The following HELB variants were observed in gnomAD, a reference collection of about 807,000 sequenced individuals.
The protein encoded by HELB is DNA 5'-3' helicase B.
HELB carries 96 observed loss-of-function variants against 101.7 expected under a neutral mutation model. The observed-to-expected ratio is 0.94, with a 90% CI of 0.80 to 1.12. The LOEUF is 1.12. Ranked by LOEUF, HELB falls within the 50% of genes most tolerant of loss-of-function variation. HELB has a pLI of 0.00. For missense variants in HELB, 1,210 were observed against 1,291.9 expected (o/e 0.94, Z 0.97); for synonymous variants, 437 against 459.7 (o/e 0.95, Z 0.63).
Position 66,331,212 on chromosome 12 carries a change from A to C in HELB, c.2729A>C (p.Gln910Pro). The C allele has an allele frequency of 6.2e-7, 1 of 1,613,534 alleles. No homozygotes were observed. Among genetic ancestry groups the C allele is most frequent in the Non-Finnish European group, 8.5e-7 (1 of 1,179,414 alleles). Residue 910 changes from glutamine (Q) to proline (P), a missense_variant, in exon 12 of 13, where the codon CAG (glutamine) becomes CCG (proline). Physicochemically the swap from Gln to Pro is moderately conservative, Grantham distance 76 (BLOSUM62 -1). Coordinates refer to ENST00000247815, the MANE Select transcript of HELB (RefSeq NM_001370285.1). ...GGGAAGGCGGGCCGCCAGCACTGGCAGCATGTCTACACCGCCGTGACCAGG... is the reference window on the plus strand; with the variant it reads ...GGGAAGGCGGGCCGCCAGCACTGGCCGCATGTCTACACCGCCGTGACCAGG... ...VVGKAGRQHWQHVYTAVTRGR... is the reference protein window; with the variant it reads ...VVGKAGRQHWPHVYTAVTRGR...
chr12:66,309,793 G>A lies in HELB; in HGVS notation c.865G>A (p.Asp289Asn). 2 of 1,613,962 alleles carry A rather than the reference G, an allele frequency of 1.2e-6. No individual in the cohort carries two copies. The highest frequency in any genetic ancestry group is 1.7e-6 in the Non-Finnish European group (2 of 1,179,808). ...QCESLLQLMT[D>N]LEKNALIMYS... ...TGAGTCTCTTCTCCAGCTGATGACTGATTTGGAGAAGAATGCATTAATAAT... is the reference window on the plus strand; with the variant it reads ...TGAGTCTCTTCTCCAGCTGATGACTAATTTGGAGAAGAATGCATTAATAAT... The change falls in exon 4 of 13, where the codon GAT becomes AAT. Residue 289 changes from aspartate to asparagine, a missense_variant. This residue lies in a region of HELB where 470 missense variants were observed against 563.1 expected (regional missense o/e 0.83). Transcript: ENST00000247815.
intron 12 of HELB, among the ~76,000 whole-genome samples, chr12:66,335,128 C>T (rs865911275): frequency 2.6e-5 from 4 of 152,044 alleles, no homozygotes; most frequent in South Asian, 2.1e-4. Context: ...TCTCTTGTGG[C>T]GTGCTGTTGT....
chr12:66,311,717 T>C (rs1006785241), intron 4 of HELB, among the ~76,000 whole-genome samples: 7 of 152,152 alleles, frequency 4.6e-5, no homozygotes, highest in Non-Finnish European at 1.0e-4. Context: ...AGTTACATAA[T>C]AAAAATTTCA....
intron 12 of HELB, among the ~76,000 whole-genome samples, chr12:66,334,778 CAAAA>C (rs1270558369): frequency 4.1e-5 from 5 of 121,726 alleles, no homozygotes; most frequent in Non-Finnish European, 7.1e-5. Flanking sequence ...GACCCTGTCT[CAAAA>C]ATAAATAAAT....
chr12:66,318,646 G>A lies in HELB; in HGVS notation c.2009G>A (p.Arg670Lys). 4 of 1,592,796 alleles carry A rather than the reference G, an allele frequency of 2.5e-6. No individual in the cohort carries two copies. Among genetic ancestry groups the A allele is most frequent in the Non-Finnish European group, 3.4e-6 (4 of 1,174,942 alleles). The change falls in exon 7 of 13, where the codon AGA (arginine) becomes AAA (lysine). Residue 670 changes from arginine (R) to lysine (K), a missense_variant. Around this residue, in one of 2 missense-constraint regions of HELB, gnomAD observed 740 missense variants for 728.8 expected, o/e 1.02. Coordinates refer to ENST00000247815, the MANE Select transcript of HELB (RefSeq NM_001370285.1). ...LIVDNATRIS[R>K]RQFPKFDAEL... Reference sequence around the variant, plus strand: ...TGTTATCTTTATTCAAGAATCTCAAGACGCCAATTTCCAAAATTTGATGCA... The same window carrying A: ...TGTTATCTTTATTCAAGAATCTCAAAACGCCAATTTCCAAAATTTGATGCA...
downstream of HELB, chr12:66,341,666 AATCTC>A (rs1405738154): frequency 3.3e-5 from 5 of 152,094 alleles, no homozygotes; most frequent in African/African-American, 1.2e-4. Flanking sequence ...TCCCCACCCA[AATCTC>A]ATCTCACATT....
chr12:66,331,448 G>T lies in HELB; in HGVS notation c.2965G>T (p.Val989Phe). 1 of 1,614,200 alleles carries T rather than the reference G, an allele frequency of 6.2e-7. No individual in the cohort carries two copies. The highest frequency in any genetic ancestry group is 1.1e-5 in the South Asian group (1 of 91,088). ...STPSASPLPV[V>F]TDHAMTNDVT... is the part of the protein sequence containing the mutation. ...ACCGTCAGCATCTCCACTCCCTGTA[G>T]TCACAGACCACGCCATGACAAATGA... The change falls in exon 12 of 13, where the codon GTC becomes TTC. Residue 989 changes from valine to phenylalanine, a missense_variant. By Grantham distance (50) the Val-to-Phe change is conservative. Around this residue, in one of 2 missense-constraint regions of HELB, gnomAD observed 740 missense variants for 728.8 expected, o/e 1.02. Transcript: ENST00000247815.
chr12:66,302,684 C>A lies in HELB; in HGVS notation c.81C>A (p.Asp27Glu), dbSNP rs201715919. The change falls in exon 1 of 13, where the codon GAC becomes GAA. Residue 27 changes from aspartate (D) to glutamate (E), a missense_variant. Asp to Glu is a conservative substitution (Grantham distance 45). Transcript: ENST00000247815. ...PPRDLVEEDD[D>E]YLNDDVEEDE... Reference sequence around the variant, plus strand: ...GGGATCTGGTGGAGGAGGACGACGACTACCTAAACGACGACGTGGAGGAGG... The same window carrying A: ...GGGATCTGGTGGAGGAGGACGACGAATACCTAAACGACGACGTGGAGGAGG... 17 of 1,614,130 alleles carry A rather than the reference C, an allele frequency of 1.1e-5. No individual in the cohort carries two copies. The East Asian group carries it at 3.8e-4, about 36-fold the overall frequency.
chr12:66,331,400 G>A lies in HELB; in HGVS notation c.2917G>A (p.Gly973Arg). 2 of 1,614,206 alleles carry A rather than the reference G, an allele frequency of 1.2e-6. No individual in the cohort carries two copies. Among genetic ancestry groups the A allele is most frequent in the Non-Finnish European group, 1.7e-6 (2 of 1,180,034 alleles). The part of the protein sequence containing the change: ...ADFPSPRKSS[G>R]DSGGPSTPSA... ...TTTTCCGTCCCCACGGAAGAGCTCT[G>A]GAGACAGTGGAGGACCCAGCACACC... is the stretch of plus-strand genomic sequence containing the variant. The change falls in exon 12 of 13, where the codon GGA (glycine) becomes AGA (arginine). Residue 973 changes from glycine (G) to arginine (R), a missense_variant. Transcript: ENST00000247815.
chr12:66,323,917 A>C (rs1387190595), intron 9 of HELB, 66 bp from the exon 10 acceptor site: 2 of 1,006,006 alleles, frequency 2.0e-6, no homozygotes, highest in Non-Finnish European at 1.6e-6. Context: ...AGTAGTAGTT[A>C]ATGTTTGAAC....
At position 66,318,797 on chromosome 12, in the gene HELB, GT is replaced by G. The variant is rs1371852076; in HGVS notation, c.2155+6del. 12 of 1,592,072 alleles carry G rather than the reference GT, an allele frequency of 7.5e-6. No homozygotes were observed. The highest frequency in any genetic ancestry group is 2.7e-5 in the African/African-American group (2 of 73,714). On this transcript the variant is annotated splice_donor_region_variant and intron_variant, in intron 7 of 12. Coordinates refer to ENST00000247815, the MANE Select transcript of HELB (RefSeq NM_001370285.1). Reference sequence around the variant, plus strand: ...CTAAAACTAATCATCACTCTTGTAAGTATAAACTTCTATGAGATGTAGAGTT... The same window carrying G: ...CTAAAACTAATCATCACTCTTGTAAGATAAACTTCTATGAGATGTAGAGTT...
chr12:66,332,696 T>G (rs186271599), intron 12 of HELB, among the ~76,000 whole-genome samples: 99 of 152,322 alleles, frequency 6.5e-4, no homozygotes, highest in African/African-American at 2.0e-3. Context: ...ACCTTTTTTA[T>G]AGGTATGTAT....
intron 12 of HELB, among the ~76,000 whole-genome samples, chr12:66,335,419 TG>T (rs1447312533): frequency 6.6e-6 from 1 of 151,278 alleles, no homozygotes; most frequent in African/African-American, 2.4e-5. Context: ...ACCAGGGCTG[TG>T]GGGAGGGAAT....
chr12:66,305,529 C>T (rs910598479), intron 2 of HELB, among the ~76,000 whole-genome samples: 5 of 152,168 alleles, frequency 3.3e-5, no homozygotes, highest in South Asian at 4.2e-4. Context: ...ATCACTTGAG[C>T]GCAGGAGATC....
rs367781513 is a variant in HELB, at chr12:66,318,719, T to C, written c.2082T>C (p.Asp694=). The C allele has an allele frequency of 3.7e-5, 60 of 1,610,544 alleles. No individual in the cohort carries two copies. The highest frequency in any genetic ancestry group is 5.1e-5 in the Non-Finnish European group (60 of 1,178,904). The change falls in exon 7 of 13, where the codon GAT becomes GAC. Residue 694 remains aspartate (D), a synonymous_variant. Coordinates refer to ENST00000247815, the MANE Select transcript of HELB (RefSeq NM_001370285.1). ...CAACATTACCCATCTCAATTCAAGA[T>C]AAGACATTTATTTTTGTCAGGCTCC... The part of the protein sequence containing the change: ...DNPTLPISIQ[D]KTFIFVRLPE...
chr12:66,322,185 C>T (rs938999218), intron 8 of HELB, among the ~76,000 whole-genome samples, 156 bp downstream of exon 8: 8 of 152,042 alleles, frequency 5.3e-5, no homozygotes, highest in African/African-American at 1.4e-4. Context: ...TGGCAGAGGG[C>T]GCTTTCTAAA....
At chr12:66,313,894 T>A in intron 4 of HELB, 92 bp from the exon 5 acceptor site, 3 of 1,120,500 alleles carry the variant, frequency 2.7e-6, no homozygotes, top group Non-Finnish European at 2.7e-6. Flanking sequence ...CCCCTGCCAA[T>A]TTACGAGTTT....
At chr12:66,317,980 AT>A (rs1199904736) in intron 6 of HELB, among the ~76,000 whole-genome samples, 1 of 152,188 alleles carries the variant, frequency 6.6e-6, no homozygotes, top group African/African-American at 2.4e-5. Flanking sequence ...CTGTTTTCTG[AT>A]ATGATTTGCT....
At chr12:66,342,173 AT>A (rs890723407), downstream of HELB, 4 of 152,046 alleles carry the variant, frequency 2.6e-5, no homozygotes, top group African/African-American at 9.7e-5. Context: ...CTTTTAGTTA[AT>A]TTTTGTATAT....
Sources: gnomAD v4.1 joint callset for allele counts (sites outside exome capture counted in the v4.1 genomes callset) on GRCh38, gnomAD v4.1.1 for gene constraint, gnomAD v4.1.1 regional missense constraint, MANE v1.5 for transcripts, NCBI Gene and HGNC (gene_info 2026-07-23, HGNC 2026-07-21) for gene names.